The following AGBL4 variants were observed in gnomAD, a reference collection of about 807,000 sequenced individuals.
AGBL4 encodes AGBL carboxypeptidase 4.
In AGBL4, 58 loss-of-function variants were observed where a neutral mutation model predicts 66.4. The ratio of observed to expected loss-of-function variants is 0.87; its 90% confidence interval spans 0.71 to 1.09. The LOEUF (loss-of-function observed/expected upper bound fraction) is 1.09, where lower values mean the gene tolerates loss of function less well. Among genes scored for constraint, AGBL4 ranks in the 50% least tolerant of loss-of-function variants. The pLI, the probability that AGBL4 is intolerant of heterozygous loss-of-function variation, is 0.00. For synonymous variants in AGBL4, 234 were observed against 222.9 expected, an observed-to-expected ratio of 1.05 and a Z score of -0.44; for missense variants, 579 against 631.0, an observed-to-expected ratio of 0.92 and a Z score of 0.88.
intron 6 of AGBL4, among the ~76,000 whole-genome samples, chr1:48,665,713 T>G (rs1035454494): frequency 1.3e-5 from 2 of 152,204 alleles, no homozygotes; most frequent in Non-Finnish European, 2.9e-5. Flanking sequence ...GAGAATTTCA[T>G]TTTATCTTAT....
chr1:49,847,379 G>A (rs902376342), intron 2 of AGBL4, among the ~76,000 whole-genome samples: 1 of 152,142 alleles, frequency 6.6e-6, no homozygotes, highest in Non-Finnish European at 1.5e-5. Context: ...GGCCTCAAAA[G>A]TATAAGCAAC....
rs563724223 is a variant in AGBL4, at chr1:49,015,579, C to T, written c.594+30005G>A. ...CTGGGACTACAGGCGCCCGCCACCA[C>T]GCCTGGCTAATTTTTTTTTTATTTT... On this transcript the variant is annotated intron_variant, in intron 5 of 13. Coordinates refer to ENST00000371839, the MANE Select transcript of AGBL4 (RefSeq NM_032785.4). 1.1e-3 allele frequency among the ~76,000 whole-genome samples: 161 copies of T among 151,838 alleles called. 2 individuals are homozygous for T. The South Asian group carries it at 0.014, about 13-fold the overall frequency.
At chr1:49,062,145 A>C (rs1644414282) in intron 4 of AGBL4, among the ~76,000 whole-genome samples, 1 of 152,180 alleles carries the variant, frequency 6.6e-6, no homozygotes, top group Non-Finnish European at 1.5e-5. Flanking sequence ...TTCACCCCAA[A>C]ACCATCCCCA....
At chr1:49,141,579 T>C (rs1053045225) in intron 4 of AGBL4, among the ~76,000 whole-genome samples, 2 of 151,660 alleles carry the variant, frequency 1.3e-5, no homozygotes, top group South Asian at 2.1e-4. Flanking sequence ...GGATAGAATA[T>C]ATAAGAAAAC....
At chr1:49,673,965 C>G (rs890206183) in intron 3 of AGBL4, among the ~76,000 whole-genome samples, 1 of 151,880 alleles carries the variant, frequency 6.6e-6, no homozygotes, top group Non-Finnish European at 1.5e-5. Flanking sequence ...TGATGACTGA[C>G]TGAAGATCGC....
chr1:48,672,692 T>C (rs916239392), intron 6 of AGBL4, among the ~76,000 whole-genome samples: 2 of 152,234 alleles, frequency 1.3e-5, no homozygotes, highest in Non-Finnish European at 2.9e-5. Context: ...GTTGGAGTCA[T>C]GCCAGCTGAA....
At chr1:48,575,197 T>A (rs1644631531) in intron 11 of AGBL4, among the ~76,000 whole-genome samples, 1 of 152,060 alleles carries the variant, frequency 6.6e-6, no homozygotes. Context: ...CACATCAAAA[T>A]ACTGTCCAAT....
intron 4 of AGBL4, among the ~76,000 whole-genome samples, chr1:49,113,643 T>A (rs1645458559): frequency 6.6e-6 from 1 of 152,256 alleles, no homozygotes; most frequent in South Asian, 2.1e-4. Flanking sequence ...AATCATTATC[T>A]ATGGCAGCTA....
intron 4 of AGBL4, among the ~76,000 whole-genome samples, chr1:49,213,769 C>G (rs538323205): frequency 6.6e-5 from 10 of 152,040 alleles, no homozygotes; most frequent in Admixed American, 4.6e-4. Context: ...GTTTGAGATC[C>G]GGGCAGGCCA....
intron 3 of AGBL4, among the ~76,000 whole-genome samples, chr1:49,510,445 G>C (rs1649115257): frequency 2.0e-5 from 3 of 149,704 alleles, no homozygotes; most frequent in African/African-American, 7.4e-5. Context: ...TTTTTTTCTT[G>C]TAAATTTGTT....
At chr1:48,753,695 A>C (rs1018259864) in intron 6 of AGBL4, among the ~76,000 whole-genome samples, 1 of 152,194 alleles carries the variant, frequency 6.6e-6, no homozygotes, top group Non-Finnish European at 1.5e-5. Context: ...TTCTTTTTGC[A>C]TTCTCCTCTC....
intron 1 of AGBL4, among the ~76,000 whole-genome samples, chr1:49,975,061 C>T (rs1658446505): frequency 1.3e-5 from 2 of 152,094 alleles, no homozygotes; most frequent in African/African-American, 4.8e-5. Context: ...AGAAACTATT[C>T]TCTTTTAATG....
Position 49,359,086 on chromosome 1 carries a change from C to T in AGBL4, c.283-113222G>A, listed in dbSNP as rs189440809. ...ATACATTAAAAGCTGGAGGCTCAGACAAATTGGACCCTTTGGTCTATCAGT... is the reference window on the plus strand; with the variant it reads ...ATACATTAAAAGCTGGAGGCTCAGATAAATTGGACCCTTTGGTCTATCAGT... On this transcript the variant is annotated intron_variant, in intron 3 of 13. Coordinates refer to ENST00000371839, the MANE Select transcript of AGBL4 (RefSeq NM_032785.4). Among the ~76,000 whole-genome samples the T allele has an allele frequency of 3.9e-4, 59 of 152,308 alleles. No individual in the cohort carries two copies. In the Middle Eastern group the frequency reaches 0.017, roughly 44 times the overall value.
intron 3 of AGBL4, among the ~76,000 whole-genome samples, chr1:49,267,000 C>T (rs1227201689): frequency 6.6e-6 from 1 of 152,166 alleles, no homozygotes; most frequent in Non-Finnish European, 1.5e-5. Context: ...AAATGCTCTA[C>T]TCTGAGGAAA....
intron 1 of AGBL4, among the ~76,000 whole-genome samples, chr1:49,993,255 G>A (rs373807499): frequency 1.3e-5 from 2 of 152,086 alleles, no homozygotes; most frequent in African/African-American, 2.4e-5. Context: ...AAATTACAAA[G>A]GTAGATTACA....
intron 3 of AGBL4, among the ~76,000 whole-genome samples, chr1:49,459,341 A>G (rs1029116482): frequency 6.6e-6 from 1 of 151,696 alleles, no homozygotes; most frequent in South Asian, 2.1e-4. Flanking sequence ...GGAGGGTTGT[A>G]TATTTCCAGG....
chr1:49,338,308 C>T (rs531611955), intron 3 of AGBL4, among the ~76,000 whole-genome samples: 1 of 152,144 alleles, frequency 6.6e-6, no homozygotes, highest in Non-Finnish European at 1.5e-5. Context: ...TTCTATGCCA[C>T]CTCTGCATAT....
intron 6 of AGBL4, among the ~76,000 whole-genome samples, chr1:48,704,495 C>T (rs1479099824): frequency 6.6e-6 from 1 of 152,136 alleles, no homozygotes; most frequent in Non-Finnish European, 1.5e-5. Flanking sequence ...ACACATTGTA[C>T]TCCTGTACAA....
intron 6 of AGBL4, among the ~76,000 whole-genome samples, chr1:48,730,696 T>C (rs1009891917): frequency 3.7e-4 from 57 of 152,192 alleles, no homozygotes; most frequent in African/African-American, 1.4e-3. Context: ...AAGGCTTTCG[T>C]TAGACTCTAG....
Sources: gnomAD v4.1 joint callset for allele counts (sites outside exome capture counted in the v4.1 genomes callset) on GRCh38, gnomAD v4.1.1 for gene constraint, MANE v1.5 for transcripts, NCBI Gene and HGNC (gene_info 2026-07-23, HGNC 2026-07-21) for gene names.